EIF3A: variants seen among roughly 807,000 people sequenced by gnomAD.
The protein encoded by EIF3A is EIF3, p180 subunit.
A neutral mutation model predicts 186.6 loss-of-function variants in EIF3A; 21 were observed. That is an observed-to-expected ratio of 0.11 (90% confidence interval 0.08 to 0.16). The LOEUF (loss-of-function observed/expected upper bound fraction) is 0.16. Among genes scored for constraint, EIF3A ranks in the 10% least tolerant of loss-of-function variants. The probability of loss-of-function intolerance (pLI) is 1.00; values close to 1 mark genes in which losing one functional copy is unlikely to be tolerated. For synonymous variants in EIF3A, 563 were observed against 584.3 expected (o/e 0.96, Z 0.52); for missense variants, 1,306 against 1,796.3 (o/e 0.73, Z 4.93).
chr10:119,080,235 C>G, intron 1 of EIF3A: 1 of 848,808 alleles, frequency 1.2e-6, no homozygotes, highest in Non-Finnish European at 1.4e-6. Context: ...TCTTACTCCC[C>G]GGCACTCCCA....
intron 12 of EIF3A, 99 bp from the exon 13 acceptor site, chr10:119,057,139 T>C (rs1038418809): frequency 3.0e-6 from 2 of 674,634 alleles, no homozygotes; most frequent in Non-Finnish European, 5.1e-6. Context: ...ATTGCTTTTA[T>C]TGTTACAATG....
Position 119,056,772 on chromosome 10 carries a change from T to C in EIF3A, c.2164A>G (p.Met722Val), listed in dbSNP as rs555453333. Residue 722 changes from methionine (M) to valine (V), a missense_variant, in exon 14 of 22, where the codon ATG becomes GTG. Met to Val is a conservative substitution (Grantham distance 21). Around this residue, in one of 8 missense-constraint regions of EIF3A, gnomAD observed 94 missense variants for 204.9 expected, o/e 0.46. Transcript: ENST00000369144. ...TCCTCTTGTTGCTCCCACAGATCCA[T>C]GTCTTTAATTCTCTGTTCCTCGTAA... ...SAYEEQRIKD[M>V]DLWEQQEEER... The C allele has an allele frequency of 5.6e-6, 9 of 1,612,554 alleles. No homozygotes were observed. The highest frequency in any genetic ancestry group is 4.5e-5 in the East Asian group (2 of 44,828).
chr10:119,045,458 G>A (rs1415023131), intron 17 of EIF3A, among the ~76,000 whole-genome samples: 1 of 152,142 alleles, frequency 6.6e-6, no homozygotes, highest in South Asian at 2.1e-4. Flanking sequence ...AACAGTCAAA[G>A]GAATTTATGG....
chr10:119,067,862 G>A (rs1383530316), intron 6 of EIF3A, among the ~76,000 whole-genome samples: 1 of 151,982 alleles, frequency 6.6e-6, no homozygotes, highest in Non-Finnish European at 1.5e-5. Context: ...CCAGGCTGGA[G>A]TGCAGTGGCA....
At chr10:119,049,747 C>CAA in intron 17 of EIF3A, 54 bp downstream of exon 17, 87 of 1,154,626 alleles carry the variant, frequency 7.5e-5, no homozygotes, top group Non-Finnish European at 9.2e-5. Flanking sequence ...GTGCCTCAAC[C>CAA]AAAAAAAAAA....
intron 17 of EIF3A, among the ~76,000 whole-genome samples, chr10:119,044,711 G>A (rs1174423881): frequency 6.6e-6 from 1 of 152,050 alleles, no homozygotes; most frequent in Admixed American, 6.6e-5. Context: ...AGCCAGGCGT[G>A]GTGGCAGGCG....
chr10:119,060,709 T>TA (rs1843870780), intron 9 of EIF3A, 37 bp downstream of exon 9: 5 of 1,534,102 alleles, frequency 3.3e-6, no homozygotes, highest in Non-Finnish European at 4.4e-6. Context: ...GATGAGCACA[T>TA]AACATCACAA....
At chr10:119,080,599 A>C in intron 1 of EIF3A, 29 bp downstream of exon 1, 1 of 1,568,384 alleles carries the variant, frequency 6.4e-7, no homozygotes, top group Non-Finnish European at 8.6e-7. Flanking sequence ...GGGCCGCCCC[A>C]GCCCGGCGCG....
chr10:119,074,975 A>ATTT (rs1313468467), intron 1 of EIF3A, among the ~76,000 whole-genome samples: 2 of 95,228 alleles, frequency 2.1e-5, no homozygotes, highest in Non-Finnish European at 2.2e-5. Flanking sequence ...AAAATAACTT[A>ATTT]TTTTTTTTCT....
intron 3 of EIF3A, 76 bp downstream of exon 3, chr10:119,073,365 A>G (rs1844109353): frequency 8.9e-7 from 1 of 1,125,282 alleles, no homozygotes; most frequent in Admixed American, 2.4e-5. Context: ...TCTACTTCAA[A>G]AGGAAATGAA....
intron 8 of EIF3A, 25 bp downstream of exon 8, chr10:119,061,199 C>T: frequency 7.4e-7 from 1 of 1,351,732 alleles, no homozygotes; most frequent in Non-Finnish European, 1.0e-6. Flanking sequence ...GTGGTAACAA[C>T]CAGAACTTAA....
In EIF3A at chr10:119,038,385, T is replaced by G; in HGVS notation, c.3581A>C (p.Glu1194Ala). ...AREESWGPPR[E>A]SRPSEEREWD... ...TTCACGTTCTTCTGATGGCCTTGAT[T>G]CTCGAGGTGGACCCCAGCTCTCCTC... The change falls in exon 20 of 22, where the codon GAA becomes GCA. Residue 1194 changes from glutamate (E) to alanine (A), a missense_variant. By Grantham distance (107) the Glu-to-Ala change is moderately radical. Transcript: ENST00000369144. 1 of 1,614,204 alleles carries G rather than the reference T, an allele frequency of 6.2e-7. No individual in the cohort carries two copies. Among genetic ancestry groups the G allele is most frequent in the Non-Finnish European group, 8.5e-7 (1 of 1,180,032 alleles).
Position 119,042,098 on chromosome 10 carries a change from C to T in EIF3A, c.3422G>A (p.Arg1141Lys), listed in dbSNP as rs1240295386. 6.2e-7 allele frequency: 1 copy of T among 1,614,224 alleles called. No homozygotes were observed. The highest frequency in any genetic ancestry group is 1.1e-5 in the South Asian group (1 of 91,088). The stretch of plus-strand genomic sequence containing the variant: ...TGAAAGGCGATCATCATCCATGTTT[C>T]TCCAAGGGCCCCTGTCATCCTCTGC... ...RGAEDDRGPW[R>K]NMDDDRLSRR... Residue 1141 changes from arginine (R) to lysine (K), a missense_variant, in exon 19 of 22, where the codon AGA becomes AAA. Coordinates refer to ENST00000369144, the MANE Select transcript of EIF3A (RefSeq NM_003750.4). This position sits in a 1 kb window ranked among gnomAD's most constrained non-coding sequence, Gnocchi z 7.8.
At position 119,069,586 on chromosome 10, in the gene EIF3A, C is replaced by T. The variant is rs901768155; in HGVS notation, c.810G>A (p.Gln270=). 6 of 1,601,312 alleles carry T rather than the reference C, an allele frequency of 3.7e-6. No homozygotes were observed. The highest frequency in any genetic ancestry group is 1.1e-5 in the South Asian group (1 of 90,818). Residue 270 remains glutamine, a synonymous_variant, in exon 6 of 22, where the codon CAG becomes CAA. Coordinates refer to ENST00000369144, the MANE Select transcript of EIF3A (RefSeq NM_003750.4). ...CTTTGTTATAGTAATTTGCCATCAA[C>T]TGAGGTTTAGGTGGTTTTTTAGACA... is the stretch of plus-strand genomic sequence containing the variant. ...FSLSKKPPKP[Q]LMANYYNKVS...
chr10:119,064,747 G>A (rs375290602), intron 7 of EIF3A, among the ~76,000 whole-genome samples: 7 of 152,078 alleles, frequency 4.6e-5, no homozygotes, highest in Non-Finnish European at 1.0e-4. Context: ...TCACTCTGTC[G>A]CCCAGGCTGG....
At position 119,037,255 on chromosome 10, in the gene EIF3A, G is replaced by C. The variant is rs1354455378; in HGVS notation, c.3783C>G (p.Asp1261Glu). 6.2e-7 allele frequency: 1 copy of C among 1,613,976 alleles called. No homozygotes were observed. The highest frequency in any genetic ancestry group is 1.3e-5 in the African/African-American group (1 of 74,906). Residue 1261 changes from aspartate (D) to glutamate (E), a missense_variant, in exon 21 of 22, where the codon GAC becomes GAG. Asp to Glu is a conservative substitution (Grantham distance 45, BLOSUM62 2). Around this residue, in one of 8 missense-constraint regions of EIF3A, gnomAD observed 331 missense variants for 365.8 expected, o/e 0.90. Coordinates refer to ENST00000369144, the MANE Select transcript of EIF3A (RefSeq NM_003750.4). ...TATCCCTATCGTCCCGGCGACTTGA[G>C]TCTCTCCAGCTTGAAGATTCCTCAG... Reference protein sequence around the residue: ...GPAEESSSWRDSSRRDDRDRD... With the variant: ...GPAEESSSWRESSRRDDRDRD...
At chr10:119,059,871 C>T (rs1389281183) in intron 9 of EIF3A, 153 bp from the exon 10 acceptor site, 5 of 668,024 alleles carry the variant, frequency 7.5e-6, no homozygotes, top group African/African-American at 1.8e-5. Flanking sequence ...CCCAGACCAT[C>T]GACTCTAAAC....
Position 119,036,038 on chromosome 10 carries a change from C to T in EIF3A, c.*1G>A, listed in dbSNP as rs1848123468. On this transcript the variant is annotated 3_prime_UTR_variant, in exon 22 of 22. Transcript: ENST00000369144. ...CCAGTTTAAATCCATTATCTTGAGA[C>T]TTAACGTCGTACTGTGGTCCATCCA... 4 of 1,610,000 alleles carry T rather than the reference C, an allele frequency of 2.5e-6. No homozygotes were observed. Among genetic ancestry groups the T allele is most frequent in the Non-Finnish European group, 3.4e-6 (4 of 1,176,350 alleles).
intron 19 of EIF3A, among the ~76,000 whole-genome samples, chr10:119,039,577 G>A (rs953845715): frequency 2.6e-5 from 4 of 152,142 alleles, no homozygotes; most frequent in Non-Finnish European, 5.9e-5. Flanking sequence ...GGCTGATGTG[G>A]TAGGATCTCT....
Sources: gnomAD v4.1 joint callset for allele counts (sites outside exome capture counted in the v4.1 genomes callset) on GRCh38, gnomAD v4.1.1 for gene constraint, gnomAD v4.1.1 regional missense constraint, Gnocchi (gnomAD v3.1) non-coding constraint, MANE v1.5 for transcripts, NCBI Gene and HGNC (gene_info 2026-07-23, HGNC 2026-07-21) for gene names.